The following CEP350 variants were observed in gnomAD, a reference collection of about 807,000 sequenced individuals.
The protein encoded by CEP350 is centrosome-associated protein 350.
A neutral mutation model predicts 331.8 loss-of-function variants in CEP350; 126 were observed. That is an observed-to-expected ratio of 0.38 (90% CI 0.33 to 0.44). The LOEUF is 0.44. CEP350 is among the 20% of genes least tolerant of loss of function. The pLI, the probability that CEP350 is intolerant of heterozygous loss-of-function variation, is 1.00. For missense variants in CEP350, 3,406 were observed against 3,634.6 expected (o/e 0.94, Z 1.62); for synonymous variants, 1,200 against 1,259.5 (o/e 0.95, Z 1.00).
At chr1:180,022,956 T>C (rs1655427090) in intron 13 of CEP350, 108 bp downstream of exon 13, 2 of 1,011,582 alleles carry the variant, frequency 2.0e-6, no homozygotes, top group East Asian at 5.3e-5. Context: ...AAAATACATA[T>C]AGAGGCTGCA....
At chr1:179,973,333 A>C (rs1020629674) in intron 1 of CEP350, among the ~76,000 whole-genome samples, 1 of 152,236 alleles carries the variant, frequency 6.6e-6, no homozygotes, top group Non-Finnish European at 1.5e-5. Flanking sequence ...CCTAGTAGTC[A>C]ATCTTTGCTT....
chr1:180,016,302 C>A (rs550039117), intron 11 of CEP350, among the ~76,000 whole-genome samples: 25 of 152,222 alleles, frequency 1.6e-4, no homozygotes, highest in African/African-American at 6.0e-4. Flanking sequence ...TAATTTCAAA[C>A]GGGTTTTTGT....
chr1:179,979,835 A>G (rs929384810), intron 1 of CEP350, among the ~76,000 whole-genome samples: 1 of 152,016 alleles, frequency 6.6e-6, no homozygotes, highest in Non-Finnish European at 1.5e-5. Flanking sequence ...GCACCATTGT[A>G]AAAAATCAGT....
At chr1:180,079,531 G>A (rs1458268675) in intron 29 of CEP350, among the ~76,000 whole-genome samples, 2 of 151,776 alleles carry the variant, frequency 1.3e-5, no homozygotes, top group African/African-American at 4.8e-5. Context: ...ATATTTCAAT[G>A]TCCTTGTGCA....
chr1:179,972,676 A>AGT (rs1651542527), intron 1 of CEP350, among the ~76,000 whole-genome samples: 1 of 148,602 alleles, frequency 6.7e-6, no homozygotes, highest in Non-Finnish European at 1.5e-5. Flanking sequence ...TGCCGAAAAG[A>AGT]GTGTTTTTAG....
chr1:180,006,586 TC>T lies in CEP350; in HGVS notation c.1246+21del. 8.6e-7 allele frequency: 1 copy of T among 1,167,360 alleles called. No individual in the cohort carries two copies. The highest frequency in any genetic ancestry group is 1.2e-6 in the Non-Finnish European group (1 of 808,904). The allele number at this position is 1,167,360 out of a possible 1,614,324, so 72.3% of individuals were successfully genotyped here. A position where few individuals can be genotyped will look rare whatever the true frequency, so the allele number is the denominator to read the frequency against. On this transcript the variant is annotated intron_variant, in intron 8 of 37. Transcript: ENST00000367607. ...AGAACAGGTTAGTTTTCTCAACATG[TC>T]CATCCTTTTTTTTTGTTTTTAATTA...
chr1:179,961,758 T>C (rs796099660), intron 1 of CEP350, among the ~76,000 whole-genome samples: 14 of 152,324 alleles, frequency 9.2e-5, no homozygotes, highest in African/African-American at 2.4e-4. Context: ...TATTGCATCA[T>C]GCTGAGGTTT....
intron 17 of CEP350, among the ~76,000 whole-genome samples, chr1:180,038,627 T>C (rs1325928234): frequency 2.0e-5 from 3 of 152,228 alleles, no homozygotes; most frequent in Non-Finnish European, 4.4e-5. Flanking sequence ...GTTTCTCTTA[T>C]TACTGATGAG....
chr1:180,092,083 T>C (rs1439797995), intron 33 of CEP350, among the ~76,000 whole-genome samples: 1 of 152,174 alleles, frequency 6.6e-6, no homozygotes, highest in Non-Finnish European at 1.5e-5. Flanking sequence ...CTTTTAACTC[T>C]TGGTTTGTTA....
rs528071449 is a variant in CEP350 at position 180,110,331 on chromosome 1, C to T, written c.9190-666C>T. Among the ~76,000 whole-genome samples the T allele has an allele frequency of 7.4e-4, 112 of 152,262 alleles. No individual in the cohort carries two copies. In the Middle Eastern group the frequency reaches 0.024, roughly 32 times the overall value. On this transcript the variant is annotated intron_variant, in intron 37 of 37. Transcript: ENST00000367607. ...CACACATTCAGTAGAAACAGTACTT[C>T]GATTTTTGAATTTTGATCTTTTCCT... is the stretch of plus-strand genomic sequence containing the variant.
chr1:180,035,469 A>G (rs548138684), intron 16 of CEP350, among the ~76,000 whole-genome samples: 25 of 152,342 alleles, frequency 1.6e-4, no homozygotes, highest in African/African-American at 5.8e-4. Context: ...CTGTCTATTT[A>G]GGGGTTAATA....
intron 32 of CEP350, 98 bp downstream of exon 32, chr1:180,087,815 C>A: frequency 8.4e-7 from 1 of 1,197,020 alleles, no homozygotes; most frequent in South Asian, 3.0e-5. Flanking sequence ...ACTGAAATTA[C>A]AGAAGTAAAA....
At chr1:180,056,189 A>G (rs890045003) in intron 25 of CEP350, among the ~76,000 whole-genome samples, 8 of 152,152 alleles carry the variant, frequency 5.3e-5, no homozygotes, top group Admixed American at 1.3e-4. Context: ...TAATAGGCAT[A>G]AAATTATTTT....
intron 16 of CEP350, among the ~76,000 whole-genome samples, chr1:180,035,265 G>A (rs532499710): frequency 6.6e-6 from 1 of 152,304 alleles, no homozygotes; most frequent in African/African-American, 2.4e-5. Flanking sequence ...TAAAATAAAA[G>A]TGCAAGGTGA....
chr1:179,996,435 T>A, intron 5 of CEP350, 118 bp from the exon 6 acceptor site: 1 of 686,574 alleles, frequency 1.5e-6, no homozygotes, highest in South Asian at 2.0e-5. Flanking sequence ...TTATTTAACA[T>A]GTATTACCTC....
chr1:179,964,153 G>A (rs1000475398), intron 1 of CEP350, among the ~76,000 whole-genome samples: 1 of 152,090 alleles, frequency 6.6e-6, no homozygotes, highest in Admixed American at 6.6e-5. Flanking sequence ...GCCACTGACT[G>A]TTGTAAGTTG....
At chr1:180,015,624 A>T (rs73032397) in intron 10 of CEP350, among the ~76,000 whole-genome samples, 1 of 151,814 alleles carries the variant, frequency 6.6e-6, no homozygotes, top group African/African-American at 2.4e-5. Flanking sequence ...TCCCACTTTG[A>T]CCTCTCAAAG....
At chr1:180,060,591 G>C (rs993989834) in intron 25 of CEP350, among the ~76,000 whole-genome samples, 1 of 152,284 alleles carries the variant, frequency 6.6e-6, no homozygotes, top group Admixed American at 6.5e-5. Context: ...TGAGTTTGAG[G>C]CTGCATTGAG....
intron 1 of CEP350, among the ~76,000 whole-genome samples, chr1:179,968,161 T>G (rs965983380): frequency 1.3e-5 from 2 of 152,034 alleles, no homozygotes; most frequent in African/African-American, 4.8e-5. Context: ...CGAAACCCCA[T>G]CTCTACTAAA....
Sources: allele counts gnomAD v4.1 joint callset (sites outside exome capture counted in the v4.1 genomes callset), GRCh38; gene constraint gnomAD v4.1.1; transcripts MANE v1.5; gene names NCBI Gene and HGNC (gene_info 2026-07-23, HGNC 2026-07-21).